DOK6: variants seen among roughly 807,000 people sequenced by gnomAD.
The protein encoded by DOK6 is downstream of tyrosine kinase 6.
Under a neutral mutation model 44.0 loss-of-function variants are expected in DOK6, and 22 were observed. The ratio of observed to expected loss-of-function variants is 0.50; its 90% confidence interval spans 0.36 to 0.71. DOK6 has a LOEUF of 0.71. Among genes scored for constraint, DOK6 ranks in the 30% least tolerant of loss-of-function variants. The pLI, the probability that DOK6 is intolerant of heterozygous loss-of-function variation, is 0.00. For synonymous variants in DOK6, 166 were observed against 145.5 expected (o/e 1.14, Z -1.01); for missense variants, 340 against 416.4 (o/e 0.82, Z 1.60).
chr18:69,426,612 A>G (rs942040023), intron 1 of DOK6, among the ~76,000 whole-genome samples: 2 of 152,230 alleles, frequency 1.3e-5, no homozygotes, highest in African/African-American at 4.8e-5. Flanking sequence ...ATTGAGAAAC[A>G]CAAGAAAATC....
intron 7 of DOK6, among the ~76,000 whole-genome samples, chr18:69,783,882 G>A (rs181386766): frequency 3.9e-4 from 60 of 152,066 alleles, no homozygotes; most frequent in African/African-American, 1.2e-3. Flanking sequence ...TAAATGTTCC[G>A]CAAGTGATAT....
At chr18:69,444,794 G>T (rs1431032359) in intron 1 of DOK6, among the ~76,000 whole-genome samples, 1 of 151,574 alleles carries the variant, frequency 6.6e-6, no homozygotes, top group Non-Finnish European at 1.5e-5. Context: ...TGAGAAATAT[G>T]AGTCCTCCAA....
At position 69,587,770 on chromosome 18, in the gene DOK6, A is replaced by ACAC. The variant is rs1983537798; in HGVS notation, c.175-11614_175-11613insCAC. On this transcript the variant is annotated intron_variant, in intron 2 of 7. Transcript: ENST00000382713. The stretch of plus-strand genomic sequence containing the variant: ...GAGCATGTTATTAGATGTAAATTTA[A>ACAC]ACACACACACACACACACACACACG... Among the ~76,000 whole-genome samples the ACAC allele has an allele frequency of 2.1e-3, 310 of 149,174 alleles. 2 individuals are homozygous for ACAC. Among genetic ancestry groups the ACAC allele is most frequent in the African/African-American group, 7.1e-3 (286 of 40,530 alleles).
chr18:69,647,370 A>G (rs1251064623), intron 3 of DOK6: 2 of 152,128 alleles, frequency 1.3e-5, no homozygotes, highest in Non-Finnish European at 2.9e-5. Flanking sequence ...GTTGGAGGGT[A>G]TGTAGAGAAA....
intron 6 of DOK6, among the ~76,000 whole-genome samples, 181 bp from the exon 7 acceptor site, chr18:69,757,575 G>A (rs1267090747): frequency 6.7e-6 from 1 of 150,306 alleles, no homozygotes; most frequent in Non-Finnish European, 1.5e-5. Context: ...TTGTTTACAA[G>A]TATTCCTTTC....
At chr18:69,497,178 G>A (rs1028416827) in intron 1 of DOK6, among the ~76,000 whole-genome samples, 6 of 152,142 alleles carry the variant, frequency 3.9e-5, no homozygotes, top group Admixed American at 6.5e-5. Context: ...CTAAAATATT[G>A]CCTGGAAAGC....
intron 7 of DOK6, among the ~76,000 whole-genome samples, chr18:69,809,480 G>T (rs1327373871): frequency 6.6e-6 from 1 of 151,088 alleles, no homozygotes; most frequent in Non-Finnish European, 1.5e-5. Flanking sequence ...AAAGGGCATT[G>T]AATTGAAAAG....
At chr18:69,478,366 C>A (rs1161445104) in intron 1 of DOK6, among the ~76,000 whole-genome samples, 1 of 152,136 alleles carries the variant, frequency 6.6e-6, no homozygotes, top group African/African-American at 2.4e-5. Flanking sequence ...AATTTCTAAT[C>A]TGACACCTAT....
intron 3 of DOK6, among the ~76,000 whole-genome samples, chr18:69,603,333 C>A (rs1283588286): frequency 1.3e-5 from 2 of 152,160 alleles, no homozygotes; most frequent in African/African-American, 4.8e-5. Context: ...AGCCCCTAAT[C>A]CTACAATTCA....
intron 7 of DOK6, among the ~76,000 whole-genome samples, chr18:69,820,186 T>C (rs1305962706): frequency 1.3e-5 from 2 of 152,202 alleles, no homozygotes; most frequent in African/African-American, 2.4e-5. Flanking sequence ...ATCTTAGCTA[T>C]TGTGAATAAT....
At chr18:69,721,406 T>C (rs1978288561) in intron 5 of DOK6, 1 of 152,240 alleles carries the variant, frequency 6.6e-6, no homozygotes, top group Admixed American at 6.5e-5. Context: ...CCAAGGCAAC[T>C]GGCTATAGAT....
At chr18:69,457,724 G>A (rs1979668731) in intron 1 of DOK6, among the ~76,000 whole-genome samples, 1 of 152,180 alleles carries the variant, frequency 6.6e-6, no homozygotes, top group Non-Finnish European at 1.5e-5. Flanking sequence ...AATTTATTTG[G>A]ATAGTATGGC....
intron 1 of DOK6, among the ~76,000 whole-genome samples, chr18:69,467,371 G>A (rs922028207): frequency 2.6e-5 from 4 of 152,058 alleles, no homozygotes; most frequent in African/African-American, 7.2e-5. Flanking sequence ...AAATTCAACA[G>A]TGAACTAAAT....
intron 5 of DOK6, among the ~76,000 whole-genome samples, chr18:69,727,412 CT>C (rs1027289655): frequency 6.6e-6 from 1 of 152,102 alleles, no homozygotes; most frequent in African/African-American, 2.4e-5. Context: ...TTAATTTTGG[CT>C]TTTTGTGTGT....
chr18:69,517,632 G>GT (rs1981565934), intron 1 of DOK6, among the ~76,000 whole-genome samples: 1 of 150,960 alleles, frequency 6.6e-6, no homozygotes, highest in South Asian at 2.1e-4. Flanking sequence ...TTTTAACTTA[G>GT]TATTCAAAGA....
intron 1 of DOK6, among the ~76,000 whole-genome samples, chr18:69,443,982 C>T (rs573125468): frequency 2.6e-5 from 4 of 152,092 alleles, no homozygotes; most frequent in African/African-American, 9.6e-5. Flanking sequence ...TATATACACA[C>T]ACAATACACA....
chr18:69,816,794 C>T (rs540499749), intron 7 of DOK6, among the ~76,000 whole-genome samples: 92 of 152,056 alleles, frequency 6.1e-4, no homozygotes, highest in Non-Finnish European at 1.1e-3. Context: ...CGGAACTGTT[C>T]GTGACCATTG....
At chr18:69,562,372 G>C (rs1323226878) in intron 1 of DOK6, among the ~76,000 whole-genome samples, 1 of 152,064 alleles carries the variant, frequency 6.6e-6, no homozygotes, top group Non-Finnish European at 1.5e-5. Context: ...TGAGGGCTCT[G>C]TTCTGTTCCA....
In DOK6 at chr18:69,704,474, A is replaced by C. The variant is rs565128172; in HGVS notation, c.599+5881A>C. 6.1e-4 allele frequency among the ~76,000 whole-genome samples: 38 copies of C among 62,146 alleles called. 1 individual carries two copies. The highest frequency in any genetic ancestry group is 3.3e-4 in the Non-Finnish European group (10 of 30,284). 40.8% of individuals were successfully genotyped at this position (62,146 alleles called of 152,430 possible). A position where few individuals can be genotyped will look rare whatever the true frequency, so the allele number is the denominator to read the frequency against. Reference sequence around the variant, plus strand: ...AGTGTGTACATCAGGTCCAGATATGACTTTTTTTTTTTTTTTTTTTTGGAG... The same window carrying C: ...AGTGTGTACATCAGGTCCAGATATGCCTTTTTTTTTTTTTTTTTTTTGGAG... On this transcript the variant is annotated intron_variant, in intron 5 of 7. Transcript: ENST00000382713.
Sources: allele counts gnomAD v4.1 joint callset (sites outside exome capture counted in the v4.1 genomes callset), GRCh38; gene constraint gnomAD v4.1.1; transcripts MANE v1.5; gene names NCBI Gene and HGNC (gene_info 2026-07-23, HGNC 2026-07-21).